SDCBP: variants seen among roughly 807,000 people sequenced by gnomAD.
The protein encoded by SDCBP is syntenin-1.
A neutral mutation model predicts 30.5 loss-of-function variants in SDCBP; 22 were observed. That is an observed-to-expected ratio of 0.72 (90% CI 0.52 to 1.03). SDCBP has a LOEUF of 1.03. Ranked by LOEUF, SDCBP falls within the 50% of genes least tolerant of loss-of-function variation. SDCBP has a pLI of 0.00. For synonymous variants in SDCBP, 103 were observed against 118.7 expected, an observed-to-expected ratio of 0.87 and a Z score of 0.86; for missense variants, 304 against 369.9, an observed-to-expected ratio of 0.82 and a Z score of 1.46.
intron 2 of SDCBP, 33 bp from the exon 3 acceptor site, chr8:58,570,854 A>T (rs1766046727): frequency 6.9e-7 from 1 of 1,441,762 alleles, no homozygotes; most frequent in Admixed American, 1.7e-5. Flanking sequence ...TAAGTATAGC[A>T]TATTGTTAGA....
chr8:58,564,057 G>T (rs1447056493), intron 1 of SDCBP, among the ~76,000 whole-genome samples: 1 of 152,166 alleles, frequency 6.6e-6, no homozygotes, highest in African/African-American at 2.4e-5. Flanking sequence ...TTGGAACCAT[G>T]AAGAGAAAAG....
intron 5 of SDCBP, among the ~76,000 whole-genome samples, chr8:58,576,960 G>A (rs902499128): frequency 6.6e-6 from 1 of 152,202 alleles, no homozygotes; most frequent in Non-Finnish European, 1.5e-5. Flanking sequence ...TTGCTCACTT[G>A]TATGTCACTC....
At chr8:58,567,808 G>A (rs1804783471) in intron 2 of SDCBP, among the ~76,000 whole-genome samples, 2 of 152,126 alleles carry the variant, frequency 1.3e-5, no homozygotes, top group African/African-American at 4.8e-5. Flanking sequence ...GCATGTTACT[G>A]TACTGAATAC....
In SDCBP at chr8:58,580,575, T is replaced by C. The variant is rs1805636119; in HGVS notation, c.809T>C (p.Met270Thr). ...TSGTVVTITIMPAFIFEHIIK... is the reference protein window; with the variant it reads ...TSGTVVTITITPAFIFEHIIK... ...GGGACTGTAGTTACTATTACAATCA[T>C]GCCTGCTTTTATCTTTGAACATATT... The change falls in exon 8 of 9, where the codon ATG becomes ACG. Residue 270 changes from methionine (M) to threonine (T), a missense_variant. Coordinates refer to ENST00000260130, the MANE Select transcript of SDCBP (RefSeq NM_005625.4). The C allele has an allele frequency of 1.9e-6, 3 of 1,588,512 alleles. No individual in the cohort carries two copies. Among genetic ancestry groups the C allele is most frequent in the Admixed American group, 1.7e-5 (1 of 59,944 alleles).
At chr8:58,578,600 C>A (rs917965768) in intron 6 of SDCBP, among the ~76,000 whole-genome samples, 2 of 152,232 alleles carry the variant, frequency 1.3e-5, no homozygotes, top group Admixed American at 6.5e-5. Flanking sequence ...GTTCTGAAAA[C>A]CGTATCAAGA....
intron 1 of SDCBP, among the ~76,000 whole-genome samples, chr8:58,560,005 G>A (rs1804350895): frequency 6.6e-6 from 1 of 152,168 alleles, no homozygotes; most frequent in South Asian, 2.1e-4. Flanking sequence ...CCAAGGGTCT[G>A]GTTTTTATTT....
rs557095453 is a variant in SDCBP, at chr8:58,570,775, A to C, written c.52-112A>C. The C allele has an allele frequency of 1.0e-5, 7 of 695,456 alleles. No homozygotes were observed. The East Asian group carries it at 1.9e-4, about 19-fold the overall frequency. The allele number at this position is 695,456 out of a possible 1,614,324, so 43.1% of individuals were successfully genotyped here. On this transcript the variant is annotated intron_variant, in intron 2 of 8. Transcript: ENST00000260130. Reference sequence around the variant, plus strand: ...GTTTGAAATTAAACTTTCTTACATAAATCTTCATTGTTTTAGTTTCTTTTT... The same window carrying C: ...GTTTGAAATTAAACTTTCTTACATACATCTTCATTGTTTTAGTTTCTTTTT...
chr8:58,577,405 A>AT (rs1805402018), intron 5 of SDCBP, among the ~76,000 whole-genome samples: 1 of 152,204 alleles, frequency 6.6e-6, no homozygotes, highest in African/African-American at 2.4e-5. Flanking sequence ...GGTTAACAGT[A>AT]TTTGAGTTTT....
At chr8:58,575,320 A>G (rs972021095) in intron 4 of SDCBP, among the ~76,000 whole-genome samples, 3 of 152,218 alleles carry the variant, frequency 2.0e-5, no homozygotes, top group African/African-American at 7.2e-5. Context: ...GAAACATGGT[A>G]TATGACACAG....
intron 3 of SDCBP, 41 bp downstream of exon 3, chr8:58,571,006 A>T: frequency 7.0e-7 from 1 of 1,418,934 alleles, no homozygotes. Context: ...GAACAGAAAT[A>T]TTGTTATCTT....
intron 5 of SDCBP, 83 bp downstream of exon 5, chr8:58,576,144 A>C: frequency 9.5e-7 from 1 of 1,048,906 alleles, no homozygotes; most frequent in Admixed American, 2.1e-5. Context: ...TGAAATGGAA[A>C]TGCTTTAATT....
intron 1 of SDCBP, chr8:58,561,714 CAA>C (rs1309888082): frequency 3.0e-6 from 2 of 664,716 alleles, no homozygotes; most frequent in Non-Finnish European, 5.4e-6. Context: ...TAAATGGAAA[CAA>C]AAGTATGTTC....
At chr8:58,565,895 C>A (rs1168457709) in intron 2 of SDCBP, among the ~76,000 whole-genome samples, 1 of 152,062 alleles carries the variant, frequency 6.6e-6, no homozygotes, top group East Asian at 1.9e-4. Flanking sequence ...ACGAAAACTC[C>A]TTACCCTGAA....
chr8:58,573,696 C>T (rs2129608103), intron 4 of SDCBP, among the ~76,000 whole-genome samples: 1 of 152,246 alleles, frequency 6.6e-6, no homozygotes, highest in South Asian at 2.1e-4. Flanking sequence ...GCAGGAGGCA[C>T]ACAGGAAGGA....
intron 1 of SDCBP, among the ~76,000 whole-genome samples, chr8:58,553,555 C>CGGGCTGGGGCTG (rs569760705): frequency 2.3e-4 from 34 of 147,726 alleles, no homozygotes; most frequent in South Asian, 4.7e-4. Context: ...GGTTCCTGCC[C>CGGGCTGGGGCTG]GGGCTGGGGC....
chr8:58,579,631 A>G lies in SDCBP; in HGVS notation c.587A>G (p.Glu196Gly), dbSNP rs544424949. The change falls in exon 7 of 9, where the codon GAA becomes GGA. Residue 196 changes from glutamate (E) to glycine (G), a missense_variant. Coordinates refer to ENST00000260130, the MANE Select transcript of SDCBP (RefSeq NM_005625.4). ...ACCAATTATGTTTGTAGGCCCTTTGAACGGACGATTACCATGCATAAGGAT... is the reference window on the plus strand; with the variant it reads ...ACCAATTATGTTTGTAGGCCCTTTGGACGGACGATTACCATGCATAAGGAT... ...ITMTIRDRPF[E>G]RTITMHKDST... 2 of 1,570,624 alleles carry G rather than the reference A, an allele frequency of 1.3e-6. No individual in the cohort carries two copies. The highest frequency in any genetic ancestry group is 2.4e-5 in the South Asian group (2 of 84,602).
chr8:58,576,225 A>G, intron 5 of SDCBP, 164 bp downstream of exon 5: 1 of 607,448 alleles, frequency 1.6e-6, no homozygotes, highest in Non-Finnish European at 2.8e-6. Flanking sequence ...GGGATGTTCT[A>G]TTTTGCAGAG....
chr8:58,568,613 C>T (rs957890932), intron 2 of SDCBP, among the ~76,000 whole-genome samples: 1 of 152,112 alleles, frequency 6.6e-6, no homozygotes, highest in Non-Finnish European at 1.5e-5. Flanking sequence ...ACTGGCAGTG[C>T]AGTAAGCTTA....
intron 5 of SDCBP, among the ~76,000 whole-genome samples, chr8:58,576,811 T>C (rs1805360362): frequency 6.6e-6 from 1 of 152,202 alleles, no homozygotes; most frequent in Non-Finnish European, 1.5e-5. Flanking sequence ...CAGTCATACA[T>C]CTCTAGCTTA....
Sources: gnomAD v4.1 joint callset for allele counts (sites outside exome capture counted in the v4.1 genomes callset) on GRCh38, gnomAD v4.1.1 for gene constraint, MANE v1.5 for transcripts, NCBI Gene and HGNC (gene_info 2026-07-23, HGNC 2026-07-21) for gene names.